Variants in IGSF11 observed in about 807,000 individuals in gnomAD.
IGSF11 encodes CXADR like 1.
A neutral mutation model predicts 41.0 loss-of-function variants in IGSF11; 22 were observed. That is an observed-to-expected ratio of 0.54 (90% CI 0.38 to 0.77). The LOEUF (loss-of-function observed/expected upper bound fraction) is 0.77. Ranked by LOEUF, IGSF11 falls within the 30% of genes least tolerant of loss-of-function variation. IGSF11 has a pLI of 0.00. For missense variants in IGSF11, 444 were observed against 530.8 expected, an observed-to-expected ratio of 0.84 and a Z score of 1.61; for synonymous variants, 219 against 201.3, an observed-to-expected ratio of 1.09 and a Z score of -0.74.
At chr3:119,084,104 A>T (rs752726601) in intron 1 of IGSF11, among the ~76,000 whole-genome samples, 38 of 152,134 alleles carry the variant, frequency 2.5e-4, no homozygotes, top group Non-Finnish European at 4.3e-4. Flanking sequence ...AAAGTATAAA[A>T]ATAGAGGAGG....
chr3:119,133,764 C>T (rs183311913), intron 1 of IGSF11, among the ~76,000 whole-genome samples: 11 of 152,266 alleles, frequency 7.2e-5, no homozygotes, highest in African/African-American at 2.4e-4. Flanking sequence ...AGAGACTCAA[C>T]AACAAAAAGA....
intron 1 of IGSF11, among the ~76,000 whole-genome samples, chr3:118,955,688 T>C (rs1449573896): frequency 3.3e-5 from 5 of 152,126 alleles, no homozygotes; most frequent in Non-Finnish European, 7.4e-5. Flanking sequence ...TATAAACAGA[T>C]GTGCTATCAC....
intron 1 of IGSF11, among the ~76,000 whole-genome samples, chr3:118,997,058 C>G (rs1438246948): frequency 6.6e-6 from 1 of 151,986 alleles, no homozygotes; most frequent in African/African-American, 2.4e-5. Context: ...ATGGGATGTG[C>G]AAGGGGTGAC....
rs182092566 is a variant in IGSF11 at position 119,113,117 on chromosome 3, C to T, written c.-13-7912G>A. 2.0e-3 allele frequency among the ~76,000 whole-genome samples: 298 copies of T among 152,298 alleles called. 1 individual carries two copies. Among genetic ancestry groups the T allele is most frequent in the Non-Finnish European group, 3.5e-3 (237 of 68,030 alleles). ...GATCCAATTACATCCCACCAGGCAC[C>T]TCCTCTAACACTGGGGATTATAATT... On this transcript the variant is annotated intron_variant, in intron 1 of 7. Coordinates refer to the IGSF11 transcript ENST00000425327.
intron 1 of IGSF11, among the ~76,000 whole-genome samples, chr3:119,045,594 C>T (rs1037558487): frequency 7.2e-5 from 11 of 152,036 alleles, no homozygotes; most frequent in Non-Finnish European, 5.9e-5. Flanking sequence ...CCCAGGCTTG[C>T]TTAGGTAAAC....
intron 1 of IGSF11, among the ~76,000 whole-genome samples, chr3:119,143,745 G>C (rs549256401): frequency 6.6e-6 from 1 of 152,052 alleles, no homozygotes; most frequent in Non-Finnish European, 1.5e-5. Flanking sequence ...ACATTAATAA[G>C]TTGAAAATAC....
rs933494962 is a variant in IGSF11 at position 119,017,747 on chromosome 3, G to A, written c.52+16784C>T. On this transcript the variant is annotated intron_variant, in intron 1 of 6. Coordinates refer to ENST00000393775, the MANE Select transcript of IGSF11 (RefSeq NM_001015887.3). The stretch of plus-strand genomic sequence containing the variant: ...CCTCTAAAATTATAAACTCAGTGGA[G>A]GCAAGAACTGAGTTTTTTGTTTGTT... Among the ~76,000 whole-genome samples the A allele has an allele frequency of 2.0e-5, 3 of 150,870 alleles. No homozygotes were observed. The East Asian group carries it at 5.8e-4, about 29-fold the overall frequency.
chr3:118,964,168 T>C (rs748721543), intron 1 of IGSF11, among the ~76,000 whole-genome samples: 1 of 152,210 alleles, frequency 6.6e-6, no homozygotes, highest in Non-Finnish European at 1.5e-5. Flanking sequence ...TCCTATACAT[T>C]GGATTACCTT....
At chr3:118,998,052 C>T (rs965797002) in intron 1 of IGSF11, among the ~76,000 whole-genome samples, 5 of 152,006 alleles carry the variant, frequency 3.3e-5, no homozygotes, top group African/African-American at 7.2e-5. Context: ...CTGGTAATGG[C>T]GCTTCTATTT....
At chr3:118,922,132 CAAA>C (rs907750918) in intron 4 of IGSF11, among the ~76,000 whole-genome samples, 1 of 151,846 alleles carries the variant, frequency 6.6e-6, no homozygotes, top group Non-Finnish European at 1.5e-5. Flanking sequence ...AAATCACAAT[CAAA>C]AAGACTTTAT....
intron 1 of IGSF11, among the ~76,000 whole-genome samples, chr3:118,949,872 C>T (rs1559946661): frequency 1.3e-5 from 2 of 152,114 alleles, no homozygotes; most frequent in Non-Finnish European, 2.9e-5. Flanking sequence ...CCTCTGCATA[C>T]CTTCCCTTAG....
At chr3:118,977,928 C>T (rs1934300050) in intron 1 of IGSF11, among the ~76,000 whole-genome samples, 1 of 152,116 alleles carries the variant, frequency 6.6e-6, no homozygotes, top group African/African-American at 2.4e-5. Context: ...AGCAACAATC[C>T]CACCCCCAGC....
chr3:118,958,450 A>C (rs997554660), intron 1 of IGSF11, among the ~76,000 whole-genome samples: 37 of 152,200 alleles, frequency 2.4e-4, no homozygotes, highest in African/African-American at 6.8e-4. Flanking sequence ...GTATTCAGAG[A>C]TGCTTATATG....
At chr3:118,922,049 T>C (rs1336831758) in intron 4 of IGSF11, among the ~76,000 whole-genome samples, 1 of 151,616 alleles carries the variant, frequency 6.6e-6, no homozygotes, top group Admixed American at 6.6e-5. Flanking sequence ...CCATAGGCCA[T>C]TCTCACTGGT....
At chr3:119,075,861 A>G (rs2076485720) in intron 1 of IGSF11, among the ~76,000 whole-genome samples, 1 of 152,196 alleles carries the variant, frequency 6.6e-6, no homozygotes, top group Non-Finnish European at 1.5e-5. Context: ...ATTCAATGCC[A>G]TCCCCATCAA....
chr3:118,963,579 C>T (rs949309760), intron 1 of IGSF11, among the ~76,000 whole-genome samples: 20 of 151,916 alleles, frequency 1.3e-4, no homozygotes, highest in African/African-American at 4.8e-4. Flanking sequence ...GCCAGGAAAA[C>T]TATGAAACAA....
At chr3:119,086,986 T>C (rs537031955) in intron 1 of IGSF11, among the ~76,000 whole-genome samples, 3 of 152,326 alleles carry the variant, frequency 2.0e-5, no homozygotes, top group South Asian at 4.1e-4. Context: ...AAGACTCAAC[T>C]ATCTGTTGTC....
At position 119,042,117 on chromosome 3, in the gene IGSF11, A is replaced by T. The variant is rs142602444; in HGVS notation, c.49+63027T>A. On this transcript the variant is annotated intron_variant, in intron 1 of 6. Coordinates refer to the IGSF11 transcript ENST00000354673. The stretch of plus-strand genomic sequence containing the variant: ...AGTAATGTTTAATATTTAACAATCA[A>T]TGCAATGCACCACACTGAGGTTAAA... Among the ~76,000 whole-genome samples the T allele has an allele frequency of 2.1e-3, 325 of 152,344 alleles. 2 individuals are homozygous for T. Among genetic ancestry groups the T allele is most frequent in the African/African-American group, 7.6e-3 (315 of 41,576 alleles).
intron 1 of IGSF11, among the ~76,000 whole-genome samples, chr3:119,092,887 C>T (rs1488917111): frequency 6.6e-6 from 1 of 152,134 alleles, no homozygotes; most frequent in East Asian, 1.9e-4. Context: ...ACATGCTATA[C>T]AAGTTTGTAG....
Sources: gnomAD v4.1 joint callset for allele counts (sites outside exome capture counted in the v4.1 genomes callset) on GRCh38, gnomAD v4.1.1 for gene constraint, MANE v1.5 for transcripts, NCBI Gene and HGNC (gene_info 2026-07-23, HGNC 2026-07-21) for gene names.